TRIP4: variants seen among roughly 807,000 people sequenced by gnomAD.
TRIP4 encodes the protein thyroid hormone receptor interactor 4, also known as activating signal cointegrator 1.
A neutral mutation model predicts 81.8 loss-of-function variants in TRIP4; 54 were observed. That is an observed-to-expected ratio of 0.66 (90% confidence interval 0.53 to 0.83). TRIP4 has a LOEUF of 0.83. TRIP4 is among the 40% of genes least tolerant of loss of function. The probability of loss-of-function intolerance (pLI) is 0.00; values close to 1 mark genes in which losing one functional copy is unlikely to be tolerated. For synonymous variants in TRIP4, 270 were observed against 242.8 expected, an observed-to-expected ratio of 1.11 and a Z score of -1.04; for missense variants, 662 against 683.6, an observed-to-expected ratio of 0.97 and a Z score of 0.35.
Position 64,393,964 on chromosome 15 carries a change from G to C in TRIP4, c.120G>C (p.Glu40Asp). The change falls in exon 2 of 13, where the codon GAG (glutamate) becomes GAC (aspartate). Residue 40 changes from glutamate (E) to aspartate (D), a missense_variant. Coordinates refer to ENST00000261884, the MANE Select transcript of TRIP4 (RefSeq NM_016213.5). ...TCCTGAGGTACGTTTTGTCAATTGA[G>C]AGTGCTGAAGAGATACGAGAATATG... Reference protein sequence around the residue: ...EEIIQYVLSIESAEEIREYVT... With the variant: ...EEIIQYVLSIDSAEEIREYVT... 2 of 1,585,570 alleles carry C rather than the reference G, an allele frequency of 1.3e-6. No individual in the cohort carries two copies. Among genetic ancestry groups the C allele is most frequent in the Non-Finnish European group, 1.7e-6 (2 of 1,168,494 alleles).
intron 6 of TRIP4, among the ~76,000 whole-genome samples, chr15:64,409,028 G>A (rs1891699483): frequency 6.6e-6 from 1 of 151,958 alleles, no homozygotes. Flanking sequence ...GCCAAGCCAA[G>A]ATGGTGAAAC....
chr15:64,442,344 C>G (rs1046524475), intron 11 of TRIP4, among the ~76,000 whole-genome samples: 1 of 152,126 alleles, frequency 6.6e-6, no homozygotes, highest in Non-Finnish European at 1.5e-5. Context: ...CCATTGAAGT[C>G]TTAAGAAATG....
intron 12 of TRIP4, among the ~76,000 whole-genome samples, chr15:64,446,916 AAC>A (rs1265045266): frequency 6.6e-6 from 1 of 151,632 alleles, no homozygotes; most frequent in Non-Finnish European, 1.5e-5. Flanking sequence ...TACCCTGGCT[AAC>A]ACAGTGAAAC....
At chr15:64,445,785 C>T (rs1053675262) in intron 12 of TRIP4, among the ~76,000 whole-genome samples, 4 of 151,750 alleles carry the variant, frequency 2.6e-5, no homozygotes, top group Admixed American at 2.6e-4. Context: ...AAAGCCTTTC[C>T]AAAGTATACC....
chr15:64,390,322 T>G (rs941861467), intron 1 of TRIP4, among the ~76,000 whole-genome samples: 5 of 147,910 alleles, frequency 3.4e-5, no homozygotes, highest in Non-Finnish European at 6.0e-5. Flanking sequence ...CTTAGTCGGG[T>G]GTGGTGGAGC....
At chr15:64,400,967 T>C (rs1891487856) in intron 5 of TRIP4, 146 bp downstream of exon 5, 1 of 675,562 alleles carries the variant, frequency 1.5e-6, no homozygotes, top group Non-Finnish European at 2.5e-6. Context: ...TTGTTTTGTT[T>C]TGTTTTGTTT....
chr15:64,453,314 C>A (rs886390210), intron 12 of TRIP4, among the ~76,000 whole-genome samples: 1 of 152,214 alleles, frequency 6.6e-6, no homozygotes, highest in Admixed American at 6.5e-5. Flanking sequence ...CCTTTACAAT[C>A]TGTACTCTTA....
At chr15:64,418,871 C>A in intron 9 of TRIP4, 143 bp downstream of exon 9, 1 of 730,932 alleles carries the variant, frequency 1.4e-6, no homozygotes, top group Non-Finnish European at 2.0e-6. Context: ...ACAACATATT[C>A]ATGTTACTGA....
chr15:64,396,924 A>C (rs902661371), intron 3 of TRIP4, among the ~76,000 whole-genome samples: 3 of 151,986 alleles, frequency 2.0e-5, no homozygotes, highest in Non-Finnish European at 4.4e-5. Context: ...TCTCTTTTTC[A>C]GTTTAGCCAT....
chr15:64,406,242 C>T, intron 5 of TRIP4, 88 bp from the exon 6 acceptor site: 1 of 1,521,112 alleles, frequency 6.6e-7, no homozygotes, highest in Non-Finnish European at 8.9e-7. Flanking sequence ...AGAACCAGAT[C>T]TTCTGATGTT....
intron 12 of TRIP4, among the ~76,000 whole-genome samples, chr15:64,453,747 AACAG>A (rs1333380472): frequency 5.3e-5 from 8 of 152,182 alleles, no homozygotes; most frequent in Non-Finnish European, 1.2e-4. Flanking sequence ...GAGAGAGATA[AACAG>A]ACAAAGAGAG....
intron 2 of TRIP4, 34 bp downstream of exon 2, chr15:64,394,149 T>C (rs1386130241): frequency 6.5e-7 from 1 of 1,537,236 alleles, no homozygotes; most frequent in Non-Finnish European, 8.8e-7. Flanking sequence ...TGTTGAAATA[T>C]TGGTAAGTGG....
At chr15:64,436,763 CTTTTTTTTTTT>C (rs71133433) in intron 11 of TRIP4, among the ~76,000 whole-genome samples, 19 of 21,420 alleles carry the variant, frequency 8.9e-4, no homozygotes, top group Admixed American at 1.1e-3. Flanking sequence ...CCATCTATGC[CTTTTTTTTTTT>C]TTTTTTTTTT....
intron 11 of TRIP4, among the ~76,000 whole-genome samples, chr15:64,426,939 G>A (rs113877454): frequency 0.045 from 6,885 of 151,948 alleles, 518 homozygotes; most frequent in African/African-American, 0.16. Context: ...GGCAGAGGTT[G>A]CAGTAAGCCG....
At chr15:64,428,854 C>T (rs1892207682) in intron 11 of TRIP4, among the ~76,000 whole-genome samples, 1 of 151,844 alleles carries the variant, frequency 6.6e-6, no homozygotes, top group African/African-American at 2.4e-5. Context: ...TCAGGTGATA[C>T]ACCCGCATTG....
chr15:64,409,045 C>G (rs1891699713), intron 6 of TRIP4, among the ~76,000 whole-genome samples: 1 of 151,850 alleles, frequency 6.6e-6, no homozygotes, highest in African/African-American at 2.4e-5. Flanking sequence ...AAACCCCATC[C>G]CTACTAAAAA....
chr15:64,435,676 T>A (rs1004036786), intron 11 of TRIP4, among the ~76,000 whole-genome samples: 2 of 150,260 alleles, frequency 1.3e-5, no homozygotes, highest in African/African-American at 4.9e-5. Flanking sequence ...CCTCTAGATC[T>A]TTAAGTATAC....
intron 4 of TRIP4, among the ~76,000 whole-genome samples, chr15:64,398,141 T>C (rs968321118): frequency 5.9e-5 from 9 of 152,082 alleles, no homozygotes; most frequent in Non-Finnish European, 1.3e-4. Context: ...GACCTTGTGA[T>C]CCGCCCACCT....
intron 5 of TRIP4, among the ~76,000 whole-genome samples, chr15:64,403,243 G>T (rs1891552188): frequency 2.6e-5 from 4 of 151,970 alleles, no homozygotes; most frequent in Admixed American, 2.0e-4. Flanking sequence ...TGCAACCTCT[G>T]CCTCCTGGGT....
Sources: gnomAD v4.1 joint callset for allele counts (sites outside exome capture counted in the v4.1 genomes callset) on GRCh38, gnomAD v4.1.1 for gene constraint, MANE v1.5 for transcripts, NCBI Gene and HGNC (gene_info 2026-07-23, HGNC 2026-07-21) for gene names.